RPS6KC1: variants seen among roughly 807,000 people sequenced by gnomAD.
RPS6KC1 encodes inactive ribosomal protein S6 kinase delta-1.
A neutral mutation model predicts 103.8 loss-of-function variants in RPS6KC1; 54 were observed. That is an observed-to-expected ratio of 0.52 (90% CI 0.42 to 0.65). RPS6KC1 has a LOEUF of 0.65. RPS6KC1 is among the 30% of genes least tolerant of loss of function. The probability of loss-of-function intolerance (pLI) is 0.00; values close to 1 mark genes in which losing one functional copy is unlikely to be tolerated. For missense variants in RPS6KC1, 1,151 were observed against 1,253.8 expected (o/e 0.92, Z 1.24); for synonymous variants, 439 against 438.7 (o/e 1.00, Z -0.01).
downstream of RPS6KC1, among the ~76,000 whole-genome samples, chr1:213,277,008 T>G (rs1425770560): frequency 6.6e-6 from 1 of 152,220 alleles, no homozygotes; most frequent in African/African-American, 2.4e-5. Context: ...TACTTTCTGT[T>G]CCTATTTAGT....
At chr1:213,210,066 T>G (rs899676912) in intron 8 of RPS6KC1, among the ~76,000 whole-genome samples, 8 of 152,112 alleles carry the variant, frequency 5.3e-5, no homozygotes, top group African/African-American at 1.9e-4. Flanking sequence ...CTTTACTGCA[T>G]CATGTTTTAT....
the RPS6KC1 span, among the ~76,000 whole-genome samples, chr1:213,535,607 A>G: frequency 2.0e-5 from 3 of 152,122 alleles, no homozygotes; most frequent in Admixed American, 6.5e-5. Context: ...CCCAGGGTAT[A>G]TAGAATTCAG....
chr1:213,502,284 A>G, the RPS6KC1 span, among the ~76,000 whole-genome samples: 1 of 152,198 alleles, frequency 6.6e-6, no homozygotes, highest in East Asian at 1.9e-4. Flanking sequence ...TTGATGTCCA[A>G]TCCACAATAA....
chr1:213,206,802 T>C (rs1235859871), intron 8 of RPS6KC1, among the ~76,000 whole-genome samples: 2 of 152,160 alleles, frequency 1.3e-5, no homozygotes. Flanking sequence ...ACAAAATTTT[T>C]TCTCTTGGGG....
chr1:213,739,310 A>G, the RPS6KC1 span, among the ~76,000 whole-genome samples: 21 of 152,360 alleles, frequency 1.4e-4, no homozygotes, highest in East Asian at 3.7e-3. Context: ...TAATACATAT[A>G]CAAAATATGT....
At chr1:213,787,703 T>C in the RPS6KC1 span, among the ~76,000 whole-genome samples, 3 of 152,160 alleles carry the variant, frequency 2.0e-5, no homozygotes, top group Non-Finnish European at 4.4e-5. Flanking sequence ...TTAGACATAA[T>C]ACATTTGTAA....
At chr1:213,134,328 A>C (rs2086010906) in intron 6 of RPS6KC1, among the ~76,000 whole-genome samples, 2 of 148,050 alleles carry the variant, frequency 1.4e-5, no homozygotes, top group East Asian at 2.0e-4. Flanking sequence ...TTCCTCTCTC[A>C]TTTTCTTCCT....
chr1:213,710,550 T>C, the RPS6KC1 span, among the ~76,000 whole-genome samples: 1 of 152,230 alleles, frequency 6.6e-6, no homozygotes, highest in African/African-American at 2.4e-5. Flanking sequence ...AATTTGATCC[T>C]GTCATTATGA....
intron 4 of RPS6KC1, among the ~76,000 whole-genome samples, chr1:213,109,704 A>G (rs1423694437): frequency 6.6e-6 from 1 of 152,084 alleles, no homozygotes. Context: ...GTGTTGGTGC[A>G]TATTTGGGTT....
Position 213,273,268 on chromosome 1 carries a change from A to G in RPS6KC1, c.*634A>G, listed in dbSNP as rs2095083448. The G allele has an allele frequency of 6.6e-6, 1 of 152,646 alleles. No homozygotes were observed. The highest frequency in any genetic ancestry group is 1.5e-5 in the Non-Finnish European group (1 of 68,092). 9.5% of individuals were successfully genotyped at this position (152,646 alleles called of 1,614,324 possible). On this transcript the variant is annotated 3_prime_UTR_variant, in exon 15 of 15. Transcript: ENST00000366960. ...ACTGCTTATTTAGAGAAGGGTTCAT[A>G]TAAACACTCACTCTGTGTCTTCAAC...
the RPS6KC1 span, among the ~76,000 whole-genome samples, chr1:213,721,977 T>C: frequency 6.6e-6 from 1 of 152,292 alleles, no homozygotes; most frequent in Admixed American, 6.5e-5. Context: ...TTAGCTTTCC[T>C]CTACTGAGAA....
In RPS6KC1 at chr1:213,053,324, C is replaced by T. The variant is rs77743346; in HGVS notation, c.105+1815C>T. 9.4e-3 allele frequency among the ~76,000 whole-genome samples: 1,425 copies of T among 152,312 alleles called. 49 individuals carry two copies. The highest frequency in any genetic ancestry group is 0.07 in the East Asian group (363 of 5,184). On this transcript the variant is annotated intron_variant, in intron 1 of 14. Coordinates refer to ENST00000366960, the MANE Select transcript of RPS6KC1 (RefSeq NM_012424.6). ...CTCTTAGTGGATTTAGAGCAGTTCT[C>T]TATCATTGGCATTTGTTTCTGCTTA...
chr1:213,617,419 G>T, the RPS6KC1 span, among the ~76,000 whole-genome samples: 3 of 152,124 alleles, frequency 2.0e-5, no homozygotes, highest in Non-Finnish European at 4.4e-5. Context: ...GGAAGGAGGG[G>T]CATCAACCTG....
intron 8 of RPS6KC1, among the ~76,000 whole-genome samples, chr1:213,203,737 A>G (rs868119097): frequency 4.6e-5 from 7 of 152,294 alleles, no homozygotes; most frequent in South Asian, 2.1e-4. Flanking sequence ...ACTGAGAATT[A>G]TTTTTACATT....
the RPS6KC1 span, among the ~76,000 whole-genome samples, chr1:213,426,103 C>T: frequency 6.6e-6 from 1 of 152,120 alleles, no homozygotes; most frequent in Non-Finnish European, 1.5e-5. Flanking sequence ...GCGGCAGAGC[C>T]AGAGTTAACC....
the RPS6KC1 span, among the ~76,000 whole-genome samples, chr1:213,304,030 C>G: frequency 2.7e-5 from 4 of 150,704 alleles, no homozygotes; most frequent in African/African-American, 9.7e-5. Flanking sequence ...ACGGTGAAAC[C>G]CCGTCTCTAC....
chr1:213,856,704 T>A, the RPS6KC1 span, among the ~76,000 whole-genome samples: 1 of 152,272 alleles, frequency 6.6e-6, no homozygotes, highest in African/African-American at 2.4e-5. Flanking sequence ...AAGGAAACAC[T>A]GTAAGTGGGC....
At chr1:213,693,755 G>A in the RPS6KC1 span, among the ~76,000 whole-genome samples, 2 of 152,192 alleles carry the variant, frequency 1.3e-5, no homozygotes, top group Admixed American at 1.3e-4. Context: ...AAATTTAGTA[G>A]CCCACTTCCT....
the RPS6KC1 span, among the ~76,000 whole-genome samples, chr1:213,603,137 C>G: frequency 6.6e-6 from 1 of 152,238 alleles, no homozygotes; most frequent in South Asian, 2.1e-4. Context: ...ATTATTTTTT[C>G]CTACTTTGTA....
Sources: allele counts gnomAD v4.1 joint callset (sites outside exome capture counted in the v4.1 genomes callset), GRCh38; gene constraint gnomAD v4.1.1; transcripts MANE v1.5; gene names NCBI Gene and HGNC (gene_info 2026-07-23, HGNC 2026-07-21).